The following SMCO2 variants were observed in gnomAD, a reference collection of about 807,000 sequenced individuals.
SMCO2 encodes single-pass membrane protein with coiled-coil domains 2.
A neutral mutation model predicts 29.5 loss-of-function variants in SMCO2; 25 were observed. The observed-to-expected ratio is 0.85, with a 90% CI of 0.62 to 1.18. The LOEUF (loss-of-function observed/expected upper bound fraction) is 1.18. Among genes scored for constraint, SMCO2 ranks in the 50% most tolerant of loss-of-function variants. SMCO2 has a pLI of 0.00. For synonymous variants in SMCO2, 117 were observed against 123.3 expected, an observed-to-expected ratio of 0.95 and a Z score of 0.34; for missense variants, 348 against 344.5, an observed-to-expected ratio of 1.01 and a Z score of -0.08.
chr12:27,493,518 A>G (rs1433050310), intron 5 of SMCO2, among the ~76,000 whole-genome samples: 1 of 151,282 alleles, frequency 6.6e-6, no homozygotes, highest in Non-Finnish European at 1.5e-5. Flanking sequence ...GGATGTCCGA[A>G]TGAGACCTTG....
chr12:27,454,959 C>A, the SMCO2 span, among the ~76,000 whole-genome samples: 1 of 152,210 alleles, frequency 6.6e-6, no homozygotes, highest in South Asian at 2.1e-4. Flanking sequence ...TTTTTAATAG[C>A]TGCATGGCCT....
the SMCO2 span, among the ~76,000 whole-genome samples, chr12:27,448,712 G>T: frequency 1.1e-4 from 17 of 152,294 alleles, no homozygotes; most frequent in African/African-American, 4.1e-4. Context: ...CCTTTAAGCA[G>T]AATAATCAGC....
At chr12:27,424,589 C>CACAGGT in the SMCO2 span, 2 of 152,150 alleles carry the variant, frequency 1.3e-5, no homozygotes, top group Non-Finnish European at 2.9e-5. Context: ...AAATCTGGGG[C>CACAGGT]ACAGGTACAA....
the SMCO2 span, among the ~76,000 whole-genome samples, chr12:27,449,987 C>T: frequency 2.0e-5 from 3 of 152,230 alleles, no homozygotes; most frequent in African/African-American, 7.2e-5. Context: ...TCCATCCATT[C>T]ATCGGCCAGT....
chr12:27,438,133 C>A, the SMCO2 span, among the ~76,000 whole-genome samples: 2 of 152,172 alleles, frequency 1.3e-5, no homozygotes, highest in African/African-American at 4.8e-5. Context: ...ACATTTATTT[C>A]TCTGGAATGT....
At chr12:27,451,352 C>G in the SMCO2 span, among the ~76,000 whole-genome samples, 1 of 152,152 alleles carries the variant, frequency 6.6e-6, no homozygotes, top group Non-Finnish European at 1.5e-5. Flanking sequence ...GGATAGCACT[C>G]CCCATTGGGG....
chr12:27,434,522 C>A, the SMCO2 span, among the ~76,000 whole-genome samples: 10 of 152,030 alleles, frequency 6.6e-5, no homozygotes, highest in Admixed American at 2.6e-4. Context: ...CCTTCTGTAG[C>A]AAAATTGAGT....
intron 7 of SMCO2, chr12:27,498,459 T>G (rs1362777100): frequency 4.6e-6 from 1 of 217,138 alleles, no homozygotes; most frequent in East Asian, 1.2e-4. Context: ...GCTGCTATTG[T>G]GTGGAGAAAG....
the SMCO2 span, among the ~76,000 whole-genome samples, chr12:27,459,366 C>T: frequency 6.6e-6 from 1 of 152,178 alleles, no homozygotes; most frequent in African/African-American, 2.4e-5. Context: ...CAAACTAACA[C>T]AGAAACAGAA....
the SMCO2 span, chr12:27,423,638 CT>C: frequency 5.3e-5 from 8 of 152,278 alleles, no homozygotes; most frequent in African/African-American, 1.4e-4. Context: ...CTACTCTACA[CT>C]TTTTTTAACC....
At chr12:27,443,073 T>A in the SMCO2 span, among the ~76,000 whole-genome samples, 38 of 152,228 alleles carry the variant, frequency 2.5e-4, no homozygotes, top group African/African-American at 9.1e-4. Context: ...AGAAGAAAAC[T>A]ACAGGTCATA....
At chr12:27,487,296 T>C (rs933571054) in intron 4 of SMCO2, among the ~76,000 whole-genome samples, 5 of 152,230 alleles carry the variant, frequency 3.3e-5, no homozygotes, top group African/African-American at 1.2e-4. Context: ...TGCTATTTCA[T>C]GAATGCTACA....
At chr12:27,489,781 A>G (rs571935322) in intron 5 of SMCO2, among the ~76,000 whole-genome samples, 2 of 152,322 alleles carry the variant, frequency 1.3e-5, no homozygotes, top group South Asian at 4.1e-4. Flanking sequence ...GAAATTGCAA[A>G]CTATAAAAAA....
At chr12:27,429,274 A>G in the SMCO2 span, among the ~76,000 whole-genome samples, 1 of 152,156 alleles carries the variant, frequency 6.6e-6, no homozygotes, top group Non-Finnish European at 1.5e-5. Context: ...AGAAAATAAA[A>G]ATCACCTAAT....
the SMCO2 span, chr12:27,425,063 C>T: frequency 6.6e-6 from 1 of 152,156 alleles, no homozygotes; most frequent in Non-Finnish European, 1.5e-5. Flanking sequence ...ACGGAACATG[C>T]TTTCTGAACT....
chr12:27,475,792 T>G, intron 4 of SMCO2, 61 bp downstream of exon 5: 3 of 1,362,060 alleles, frequency 2.2e-6, no homozygotes, highest in Non-Finnish European at 2.8e-6. Flanking sequence ...CTTTAAAAAT[T>G]TAAGAAACTT....
At chr12:27,480,790 G>GC (rs1221098561) in intron 4 of SMCO2, among the ~76,000 whole-genome samples, 1 of 152,072 alleles carries the variant, frequency 6.6e-6, no homozygotes, top group African/African-American at 2.4e-5. Context: ...GCTTCCTGAG[G>GC]CCCTTACCAG....
At chr12:27,494,251 C>T in intron 5 of SMCO2, 49 bp from the exon 7 acceptor site, 1 of 1,235,764 alleles carries the variant, frequency 8.1e-7, no homozygotes, top group Non-Finnish European at 1.1e-6. Context: ...TTGTACAAAC[C>T]AGAAAAATAT....
rs112503376 is a variant in SMCO2 at position 27,470,409 on chromosome 12, T to A, written c.-10-213T>A. 4.6e-3 allele frequency among the ~76,000 whole-genome samples: 698 copies of A among 152,260 alleles called. 3 individuals are homozygous for A. The highest frequency in any genetic ancestry group is 0.016 in the African/African-American group (649 of 41,554). Reference sequence around the variant, plus strand: ...GCACATTTACCAGCCAAGAGGTGTGTCCTTGGAGACAGCCACACAGGTCTT... The same window carrying A: ...GCACATTTACCAGCCAAGAGGTGTGACCTTGGAGACAGCCACACAGGTCTT... On this transcript the variant is annotated intron_variant, in intron 1 of 7. Coordinates refer to ENST00000298876, the Ensembl canonical transcript of SMCO2.
Sources: gnomAD v4.1 joint callset for allele counts (sites outside exome capture counted in the v4.1 genomes callset) on GRCh38, gnomAD v4.1.1 for gene constraint, MANE v1.5 for transcripts, NCBI Gene and HGNC (gene_info 2026-07-23, HGNC 2026-07-21) for gene names.